Variants in RASGRF1 observed in about 807,000 individuals in gnomAD.
The protein encoded by RASGRF1 is ras-specific guanine nucleotide-releasing factor 1.
RASGRF1 carries 40 observed loss-of-function variants against 138.7 expected under a neutral mutation model. The ratio of observed to expected loss-of-function variants is 0.29; its 90% CI spans 0.22 to 0.38. RASGRF1 has a LOEUF of 0.38. Among genes scored for constraint, RASGRF1 ranks in the 10% least tolerant of loss-of-function variants. The pLI is 1.00. For missense variants in RASGRF1, 1,108 were observed against 1,650.4 expected, an observed-to-expected ratio of 0.67 and a Z score of 5.69; for synonymous variants, 614 against 663.2, an observed-to-expected ratio of 0.93 and a Z score of 1.14.
At chr15:79,077,489 ACACACATGCATGAGCATTCATATGCCTG>A (rs1380893548) in intron 1 of RASGRF1, among the ~76,000 whole-genome samples, 3 of 152,178 alleles carry the variant, frequency 2.0e-5, no homozygotes, top group Non-Finnish European at 4.4e-5. Flanking sequence ...TTACTGGAAA[ACACACATGCATGAGCATTCATATGCCTG>A]CACACATACA....
intron 10 of RASGRF1, 150 bp downstream of exon 10, chr15:79,025,164 A>C: frequency 2.3e-6 from 2 of 851,750 alleles, no homozygotes; most frequent in Non-Finnish European, 3.2e-6. Context: ...AGCTGGCCAA[A>C]CTATGGGTTG....
intron 3 of RASGRF1, among the ~76,000 whole-genome samples, chr15:79,051,870 C>T (rs1164418038): frequency 6.6e-6 from 1 of 152,198 alleles, no homozygotes; most frequent in East Asian, 1.9e-4. Context: ...TGGCCCATTG[C>T]AACTAGGAGC....
rs2057422054 is a variant in RASGRF1 at position 79,050,922 on chromosome 15, G to A, written c.532-1334C>T. On this transcript the variant is annotated intron_variant, in intron 3 of 26. Coordinates refer to ENST00000558480, the MANE Select transcript of RASGRF1 (RefSeq NM_001145648.3). This position sits in a 1 kb window ranked among gnomAD's most constrained non-coding sequence, Gnocchi z 4.1. ...TTTGCCGTGAGCTCTAAGGGAGAAGGGATTGCAGCTGTTTCATTTATTGTG... is the reference window on the plus strand; with the variant it reads ...TTTGCCGTGAGCTCTAAGGGAGAAGAGATTGCAGCTGTTTCATTTATTGTG... Among the ~76,000 whole-genome samples, 1 of 152,176 alleles carries A rather than the reference G, an allele frequency of 6.6e-6. No individual in the cohort carries two copies. The highest frequency in any genetic ancestry group is 6.5e-5 in the Admixed American group (1 of 15,276).
chr15:78,986,214 T>A (rs1318734316), intron 22 of RASGRF1, among the ~76,000 whole-genome samples: 1 of 151,994 alleles, frequency 6.6e-6, no homozygotes, highest in Non-Finnish European at 1.5e-5. Flanking sequence ...ACAAATCAAA[T>A]GTAGGTTGGA....
intron 1 of RASGRF1, among the ~76,000 whole-genome samples, chr15:79,085,711 T>C (rs182025661): frequency 1.4e-4 from 21 of 152,180 alleles, no homozygotes; most frequent in Middle Eastern, 3.4e-3. Context: ...GAGGGAAGAA[T>C]TGCCATCACT....
chr15:79,010,800 G>A (rs1336405611), intron 13 of RASGRF1, among the ~76,000 whole-genome samples: 1 of 152,156 alleles, frequency 6.6e-6, no homozygotes, highest in Non-Finnish European at 1.5e-5. Flanking sequence ...CCAGGAGCCT[G>A]GCAGGTGGAA....
chr15:79,053,055 C>G (rs2057454250), intron 3 of RASGRF1, among the ~76,000 whole-genome samples: 1 of 152,098 alleles, frequency 6.6e-6, no homozygotes, highest in East Asian at 1.9e-4. Context: ...CACCTGAGGT[C>G]TGGAGTTTGA....
chr15:79,031,753 G>A (rs1025530819), intron 7 of RASGRF1, among the ~76,000 whole-genome samples: 3 of 151,596 alleles, frequency 2.0e-5, no homozygotes, highest in Non-Finnish European at 2.9e-5. Flanking sequence ...AGAGCACGAG[G>A]GGGTGGTGGG....
chr15:79,040,129 A>G (rs1188190462), intron 5 of RASGRF1, among the ~76,000 whole-genome samples: 1 of 151,744 alleles, frequency 6.6e-6, no homozygotes, highest in Non-Finnish European at 1.5e-5. Context: ...ATTGACCCTG[A>G]CCTCGGGTCT....
intron 1 of RASGRF1, among the ~76,000 whole-genome samples, chr15:79,071,134 G>A (rs1057276115): frequency 1.3e-5 from 2 of 152,222 alleles, no homozygotes; most frequent in Non-Finnish European, 2.9e-5. Flanking sequence ...ACATGCTTGA[G>A]CCTGAAGCCT....
chr15:79,000,000 A>G, intron 16 of RASGRF1, 87 bp from the exon 17 acceptor site: 1 of 1,397,210 alleles, frequency 7.2e-7, no homozygotes, highest in Non-Finnish European at 1.0e-6. Context: ...AGGCTAGAGC[A>G]GCCTTAAGAG....
chr15:79,061,305 G>A (rs2057600898), intron 2 of RASGRF1, among the ~76,000 whole-genome samples: 1 of 151,644 alleles, frequency 6.6e-6, no homozygotes, highest in African/African-American at 2.4e-5. Context: ...GCTAAGCCTG[G>A]ACTTCTGACC....
At chr15:79,088,349 G>A (rs1005237606) in intron 1 of RASGRF1, among the ~76,000 whole-genome samples, 10 of 152,120 alleles carry the variant, frequency 6.6e-5, no homozygotes, top group South Asian at 2.1e-4. Context: ...TGTATTGGGC[G>A]CTTACTTTCA....
chr15:79,068,366 A>C (rs945385669), intron 1 of RASGRF1, among the ~76,000 whole-genome samples: 1 of 151,908 alleles, frequency 6.6e-6, no homozygotes, highest in African/African-American at 2.4e-5. Flanking sequence ...TGCAGTTGAG[A>C]CAGTGTGGCT....
intron 1 of RASGRF1, 82 bp from the exon 2 acceptor site, chr15:79,064,608 G>T: frequency 7.5e-7 from 1 of 1,327,756 alleles, no homozygotes; most frequent in Non-Finnish European, 1.1e-6. Context: ...TAGCTGTTTT[G>T]CAAAGTGCCT....
In RASGRF1 at chr15:79,032,043, C is replaced by T; in HGVS notation, c.1152+80G>A. 1 of 1,486,082 alleles carries T rather than the reference C, an allele frequency of 6.7e-7. No individual in the cohort carries two copies. The highest frequency in any genetic ancestry group is 9.1e-7 in the Non-Finnish European group (1 of 1,100,724). The allele number at this position is 1,486,082 out of a possible 1,614,324, so 92.1% of individuals were successfully genotyped here. A position where few individuals can be genotyped will look rare whatever the true frequency, so the allele number is the denominator to read the frequency against. On this transcript the variant is annotated intron_variant, in intron 7 of 26. Coordinates refer to ENST00000558480, the MANE Select transcript of RASGRF1 (RefSeq NM_001145648.3). The surrounding 1 kb of genome is among the most constrained non-coding windows in gnomAD (Gnocchi z 4.5). ...CAGCCCAGAGCTGGGGTGCGTTAAG[C>T]ACTGTGCCCCCACCGCCATGGTCCA...
In RASGRF1 at chr15:79,006,290, G is replaced by A. The variant is rs1185411106; in HGVS notation, c.1971C>T (p.Phe657=). 1.2e-6 allele frequency: 2 copies of A among 1,614,106 alleles called. No individual in the cohort carries two copies. Among genetic ancestry groups the A allele is most frequent in the African/African-American group, 1.3e-5 (1 of 74,916 alleles). The part of the protein sequence containing the change: ...LTDLRFLSID[F]LNTFLHSYRV... ...GGTAGGAGTGCAGGAAGGTGTTGAG[G>A]AAGTCGATGCTCAGGAAGCGCAGGT... The change falls in exon 14 of 27, where the codon TTC becomes TTT. Residue 657 remains phenylalanine (F), a synonymous_variant. Coordinates refer to ENST00000558480, the MANE Select transcript of RASGRF1 (RefSeq NM_001145648.3). The surrounding 1 kb of genome is among the most constrained non-coding windows in gnomAD (Gnocchi z 4.0).
chr15:79,012,068 C>A (rs979239466), intron 13 of RASGRF1, among the ~76,000 whole-genome samples: 9 of 152,066 alleles, frequency 5.9e-5, no homozygotes, highest in African/African-American at 2.2e-4. Context: ...AGCATCTTAA[C>A]TTAGCCTATG....
intron 20 of RASGRF1, among the ~76,000 whole-genome samples, chr15:78,993,246 A>ATGTGTGTTTGCTGGGTGTGTTTTCTG (rs1567468369): frequency 2.3e-5 from 1 of 44,036 alleles, no homozygotes; most frequent in Non-Finnish European, 4.7e-5. Context: ...GTGTGTGTGT[A>ATGTGTGTTTGCTGGGTGTGTTTTCTG]CGTGGTGTGT....
Sources: gnomAD v4.1 joint callset for allele counts (sites outside exome capture counted in the v4.1 genomes callset) on GRCh38, gnomAD v4.1.1 for gene constraint, Gnocchi (gnomAD v3.1) non-coding constraint, MANE v1.5 for transcripts, NCBI Gene and HGNC (gene_info 2026-07-23, HGNC 2026-07-21) for gene names.